HERC1: variants seen among roughly 807,000 people sequenced by gnomAD.
The protein encoded by HERC1 is HECT and RLD domain containing E3 ubiquitin protein ligase family member 1, also known as probable E3 ubiquitin-protein ligase HERC1.
Under a neutral mutation model 554.3 loss-of-function variants are expected in HERC1, and 160 were observed. That is an observed-to-expected ratio of 0.29 (90% CI 0.25 to 0.33). The LOEUF (loss-of-function observed/expected upper bound fraction) is 0.33, where lower values mean the gene tolerates loss of function less well. Among genes scored for constraint, HERC1 ranks in the 10% least tolerant of loss-of-function variants. HERC1 has a pLI of 1.00. For missense variants in HERC1, 4,919 were observed against 5,918.5 expected, an observed-to-expected ratio of 0.83 and a Z score of 5.54; for synonymous variants, 2,175 against 2,131.7, an observed-to-expected ratio of 1.02 and a Z score of -0.56.
rs181193834 is a variant in HERC1 at position 63,822,894 on chromosome 15, T to C, written c.-27+10933A>G. Among the ~76,000 whole-genome samples, 844 of 152,186 alleles carry C rather than the reference T, an allele frequency of 5.5e-3. 6 individuals are homozygous for C. Among genetic ancestry groups the C allele is most frequent in the African/African-American group, 0.019 (769 of 41,518 alleles). ...AAAGGGTATAAAGAAAAAAGGAGAA[T>C]CATAGATCACTTAGGATTCTAGCCT... On this transcript the variant is annotated intron_variant, in intron 1 of 77. Coordinates refer to ENST00000443617, the MANE Select transcript of HERC1 (RefSeq NM_003922.4).
intron 23 of HERC1, 113 bp from the exon 24 acceptor site, chr15:63,713,008 C>T (rs868784983): frequency 8.8e-6 from 9 of 1,023,732 alleles, no homozygotes; most frequent in Middle Eastern, 5.6e-4. Flanking sequence ...GGAGTAATGT[C>T]AGTTGACAGG....
chr15:63,817,576 G>A (rs867173059), intron 1 of HERC1, among the ~76,000 whole-genome samples: 4 of 152,046 alleles, frequency 2.6e-5, no homozygotes, highest in South Asian at 2.1e-4. Flanking sequence ...TTAGCCGGGC[G>A]GGGCAGCACA....
In HERC1 at chr15:63,608,732, A is replaced by T. The variant is rs1341286356; in HGVS notation, c.*349T>A. 1 of 181,492 alleles carries T rather than the reference A, an allele frequency of 5.5e-6. No individual in the cohort carries two copies. Among genetic ancestry groups the T allele is most frequent in the African/African-American group, 2.4e-5 (1 of 42,168 alleles). 11.2% of individuals were successfully genotyped at this position (181,492 alleles called of 1,614,324 possible). A position where few individuals can be genotyped will look rare whatever the true frequency, so the allele number is the denominator to read the frequency against. On this transcript the variant is annotated 3_prime_UTR_variant, in exon 78 of 78. Coordinates refer to ENST00000443617, the MANE Select transcript of HERC1 (RefSeq NM_003922.4). ...GTAAAACTGTCCTTTCTAATGAACA[A>T]TTATACACAATGTACAATTTCATGT...
chr15:63,797,469 C>T (rs2076846283), intron 1 of HERC1, among the ~76,000 whole-genome samples: 2 of 152,334 alleles, frequency 1.3e-5, no homozygotes, highest in South Asian at 2.1e-4. Flanking sequence ...CAAGACTTAA[C>T]ATCCTGTGGC....
At chr15:63,805,173 G>A (rs948544760) in intron 1 of HERC1, among the ~76,000 whole-genome samples, 10 of 152,192 alleles carry the variant, frequency 6.6e-5, no homozygotes, top group Admixed American at 5.9e-4. Flanking sequence ...CTGGAAACTC[G>A]ACTGTCCATC....
chr15:63,706,979 C>CCCTAA, intron 24 of HERC1, 148 bp from the exon 25 acceptor site: 1 of 550,588 alleles, frequency 1.8e-6, no homozygotes, highest in Non-Finnish European at 3.2e-6. Context: ...AACAAAATGT[C>CCCTAA]CCTAAAAACC....
intron 64 of HERC1, 44 bp from the exon 65 acceptor site, chr15:63,636,186 A>C (rs763696228): frequency 2.6e-6 from 4 of 1,554,256 alleles, no homozygotes; most frequent in Admixed American, 3.6e-5. Context: ...GGATGTTAAA[A>C]CTCTCCTCTT....
chr15:63,802,982 G>A (rs2144864796), intron 1 of HERC1, among the ~76,000 whole-genome samples: 1 of 152,258 alleles, frequency 6.6e-6, no homozygotes, highest in Non-Finnish European at 1.5e-5. Context: ...GGCCAAGGTG[G>A]GAGGCTCACT....
intron 63 of HERC1, among the ~76,000 whole-genome samples, chr15:63,638,175 C>CTT (rs1484890502): frequency 1.3e-5 from 2 of 152,136 alleles, no homozygotes; most frequent in Non-Finnish European, 2.9e-5. Context: ...GCAGGCCTAA[C>CTT]ACATCATGAT....
chr15:63,626,132 C>G lies in HERC1; in HGVS notation c.13128G>C (p.Leu4376=). 6.2e-7 allele frequency: 1 copy of G among 1,613,492 alleles called. No individual in the cohort carries two copies. Among genetic ancestry groups the G allele is most frequent in the Non-Finnish European group, 8.5e-7 (1 of 1,179,764 alleles). The part of the protein sequence containing the change: ...RAPGVSVPLQ[L]GLPDTVPPQY... Reference sequence around the variant, plus strand: ...GGGGGGGCACTGTGTCAGGCAGGCCCAGCTGCAGAGGTACTGACACACCTG... The same window carrying G: ...GGGGGGGCACTGTGTCAGGCAGGCCGAGCTGCAGAGGTACTGACACACCTG... Residue 4376 remains leucine, a synonymous_variant, in exon 71 of 78, where the codon CTG becomes CTC. Coordinates refer to ENST00000443617, the MANE Select transcript of HERC1 (RefSeq NM_003922.4).
chr15:63,694,265 G>T lies in HERC1; in HGVS notation c.5480+47C>A. The T allele has an allele frequency of 6.3e-7, 1 of 1,576,922 alleles. No homozygotes were observed. Among genetic ancestry groups the T allele is most frequent in the Non-Finnish European group, 8.6e-7 (1 of 1,159,556 alleles). On this transcript the variant is annotated intron_variant, in intron 29 of 77. Transcript: ENST00000443617. The surrounding 1 kb of genome is among the most constrained non-coding windows in gnomAD (Gnocchi z 4.3). ...GGAAAGGGGGAATTCTAAAATGGAG[G>T]AAGACCAGACTTCATACAGTTCTAC... is the stretch of plus-strand genomic sequence containing the variant.
At chr15:63,805,678 G>A (rs1325014141) in intron 1 of HERC1, among the ~76,000 whole-genome samples, 1 of 152,196 alleles carries the variant, frequency 6.6e-6, no homozygotes, top group Non-Finnish European at 1.5e-5. Context: ...CAGACACTAT[G>A]GCTGAGGCCT....
chr15:63,645,060 G>C lies in HERC1; in HGVS notation c.11116C>G (p.Pro3706Ala). The C allele has an allele frequency of 6.2e-7, 1 of 1,613,778 alleles. No individual in the cohort carries two copies. The change falls in exon 57 of 78, where the codon CCT becomes GCT. Residue 3706 changes from proline to alanine, a missense_variant. Physicochemically the swap from Pro to Ala is conservative, Grantham distance 27. Coordinates refer to ENST00000443617, the MANE Select transcript of HERC1 (RefSeq NM_003922.4). ...ACATTGGTCTGTGTAGTATCTTGAGGAATGCGCCAAACACATACTAAGCCA... is the reference window on the plus strand; with the variant it reads ...ACATTGGTCTGTGTAGTATCTTGAGCAATGCGCCAAACACATACTAAGCCA... The part of the protein sequence containing the change: ...QSGLVCVWRI[P>A]QDTTQTNVTS...
chr15:63,715,225 T>C (rs1418010848), intron 22 of HERC1, among the ~76,000 whole-genome samples: 2 of 152,242 alleles, frequency 1.3e-5, no homozygotes, highest in Non-Finnish European at 2.9e-5. Flanking sequence ...AGCTAATCTA[T>C]GCAAAGAACT....
chr15:63,773,689 G>A (rs1465161467), intron 2 of HERC1, among the ~76,000 whole-genome samples: 1 of 151,476 alleles, frequency 6.6e-6, no homozygotes, highest in Non-Finnish European at 1.5e-5. Flanking sequence ...GATTACAGGT[G>A]CGCACCACCA....
At chr15:63,709,599 G>C (rs2073190864) in intron 24 of HERC1, among the ~76,000 whole-genome samples, 1 of 152,160 alleles carries the variant, frequency 6.6e-6, no homozygotes, top group African/African-American at 2.4e-5. Flanking sequence ...TCCATGGTGA[G>C]TTTTAACCCT....
chr15:63,694,432 C>T lies in HERC1; in HGVS notation c.5360G>A (p.Gly1787Asp). 1 of 1,613,934 alleles carries T rather than the reference C, an allele frequency of 6.2e-7. No homozygotes were observed. Among genetic ancestry groups the T allele is most frequent in the South Asian group, 1.1e-5 (1 of 91,082 alleles). The stretch of plus-strand genomic sequence containing the variant: ...GGGCTGTCCTAGCATGGTGTCTGTA[C>T]CACACAACTGTGACAATACGTTTAG... ...GLLNVLSQLCGTDTMLGQPLQ... is the reference protein window; with the variant it reads ...GLLNVLSQLCDTDTMLGQPLQ... Residue 1787 changes from glycine (G) to aspartate (D), a missense_variant, in exon 29 of 78, where the codon GGT becomes GAT. By Grantham distance (94) the Gly-to-Asp change is moderately conservative. Around this residue, in one of 11 missense-constraint regions of HERC1, gnomAD observed 1,121 missense variants for 1,244.0 expected, o/e 0.90. Coordinates refer to ENST00000443617, the MANE Select transcript of HERC1 (RefSeq NM_003922.4). The surrounding 1 kb of genome is among the most constrained non-coding windows in gnomAD (Gnocchi z 4.3).
intron 12 of HERC1, among the ~76,000 whole-genome samples, chr15:63,742,302 T>C (rs1490407111): frequency 6.6e-6 from 1 of 152,182 alleles, no homozygotes; most frequent in East Asian, 1.9e-4. Context: ...TGTTGGTGTA[T>C]AGAAACAATT....
chr15:63,761,761 CAT>C (rs1170092511), intron 3 of HERC1, among the ~76,000 whole-genome samples: 2 of 152,092 alleles, frequency 1.3e-5, no homozygotes, highest in Non-Finnish European at 2.9e-5. Flanking sequence ...ATGTGTGTAA[CAT>C]GTAATTAAAA....
Sources: allele counts gnomAD v4.1 joint callset (sites outside exome capture counted in the v4.1 genomes callset), GRCh38; gene constraint gnomAD v4.1.1; regional missense constraint gnomAD v4.1.1; non-coding constraint Gnocchi (gnomAD v3.1); transcripts MANE v1.5; gene names NCBI Gene and HGNC (gene_info 2026-07-23, HGNC 2026-07-21).